The following RBFOX1 variants were observed in gnomAD, a reference collection of about 807,000 sequenced individuals.
RBFOX1 encodes RNA binding fox-1 homolog 1.
Under a neutral mutation model 57.7 loss-of-function variants are expected in RBFOX1, and 8 were observed. The observed-to-expected ratio is 0.14, with a 90% confidence interval of 0.08 to 0.25. The LOEUF is 0.25. RBFOX1 is among the 10% of genes least tolerant of loss of function. RBFOX1 has a pLI of 1.00. For missense variants in RBFOX1, 611 were observed against 548.5 expected (o/e 1.11, Z -1.14); for synonymous variants, 326 against 222.4 (o/e 1.47, Z -4.15).
At chr16:5,262,302 C>T (rs183692091) in intron 1 of RBFOX1, among the ~76,000 whole-genome samples, 1 of 152,146 alleles carries the variant, frequency 6.6e-6, no homozygotes, top group East Asian at 1.9e-4. Flanking sequence ...GGATGTATCT[C>T]TGAGGTATTC....
At chr16:5,716,876 A>G (rs1255561044) in intron 3 of RBFOX1, among the ~76,000 whole-genome samples, 1 of 152,176 alleles carries the variant, frequency 6.6e-6, no homozygotes, top group African/African-American at 2.4e-5. Flanking sequence ...TCTGCCCCTA[A>G]AATGTCCAAG....
intron 3 of RBFOX1, among the ~76,000 whole-genome samples, chr16:6,850,809 ATC>A (rs1567552665): frequency 6.6e-6 from 1 of 152,224 alleles, no homozygotes; most frequent in African/African-American, 2.4e-5. Flanking sequence ...TTGGAAAATC[ATC>A]TCTCATTTTC....
At chr16:7,597,090 A>G (rs2094741425) in intron 8 of RBFOX1, 3 of 258,574 alleles carry the variant, frequency 1.2e-5, no homozygotes, top group Non-Finnish European at 2.2e-5. Flanking sequence ...ATCTTCAATT[A>G]TGCAGAATCT....
At chr16:7,191,704 T>C (rs1015703188) in intron 4 of RBFOX1, among the ~76,000 whole-genome samples, 9 of 152,264 alleles carry the variant, frequency 5.9e-5, no homozygotes, top group Non-Finnish European at 7.3e-5. Context: ...CTGTCTTCAG[T>C]TGTTTTAAAG....
At chr16:5,287,860 C>T (rs533411218) in intron 1 of RBFOX1, among the ~76,000 whole-genome samples, 1 of 152,352 alleles carries the variant, frequency 6.6e-6, no homozygotes, top group South Asian at 2.1e-4. Context: ...ACTGCAGAGA[C>T]AAATGGCAGA....
At chr16:6,172,421 A>C (rs928752965) in intron 1 of RBFOX1, among the ~76,000 whole-genome samples, 2 of 152,100 alleles carry the variant, frequency 1.3e-5, no homozygotes, top group Non-Finnish European at 2.9e-5. Flanking sequence ...CTGTGAGCAA[A>C]CCCTTGGTGT....
At chr16:7,610,017 C>T (rs2057123351) in intron 10 of RBFOX1, among the ~76,000 whole-genome samples, 1 of 151,334 alleles carries the variant, frequency 6.6e-6, no homozygotes, top group Non-Finnish European at 1.5e-5. Flanking sequence ...GGGGTTTCAC[C>T]CTGTTAGCCA....
intron 1 of RBFOX1, among the ~76,000 whole-genome samples, chr16:6,300,991 T>A (rs1211943161): frequency 1.3e-5 from 2 of 152,186 alleles, no homozygotes; most frequent in African/African-American, 4.8e-5. Context: ...CCAAATGGAT[T>A]AATGAGTGGA....
At chr16:6,878,237 T>G (rs2062206807) in intron 3 of RBFOX1, among the ~76,000 whole-genome samples, 1 of 152,222 alleles carries the variant, frequency 6.6e-6, no homozygotes, top group South Asian at 2.1e-4. Context: ...GTTTCTTCCC[T>G]GCTGAGCACT....
At chr16:6,762,039 G>C (rs2076684878) in intron 3 of RBFOX1, among the ~76,000 whole-genome samples, 1 of 152,080 alleles carries the variant, frequency 6.6e-6, no homozygotes, top group Non-Finnish European at 1.5e-5. Flanking sequence ...ATATAGTGTA[G>C]ATGTTAAAAG....
chr16:6,971,044 T>C (rs776666631), intron 3 of RBFOX1, among the ~76,000 whole-genome samples: 1 of 152,210 alleles, frequency 6.6e-6, no homozygotes, highest in Non-Finnish European at 1.5e-5. Context: ...TACTATCTAA[T>C]CTGTCCAAGA....
chr16:5,642,344 T>C (rs72765122), intron 3 of RBFOX1, among the ~76,000 whole-genome samples: 1 of 152,328 alleles, frequency 6.6e-6, no homozygotes, highest in Non-Finnish European at 1.5e-5. Context: ...AAGCAATCCA[T>C]GCGAGATCAA....
intron 4 of RBFOX1, among the ~76,000 whole-genome samples, chr16:7,095,669 G>C (rs2061571094): frequency 6.6e-6 from 1 of 152,144 alleles, no homozygotes; most frequent in African/African-American, 2.4e-5. Flanking sequence ...AATCATGTTG[G>C]TAAGGTCTTG....
At chr16:7,403,415 C>G (rs776593640) in intron 4 of RBFOX1, among the ~76,000 whole-genome samples, 3 of 152,338 alleles carry the variant, frequency 2.0e-5, no homozygotes, top group African/African-American at 7.2e-5. Flanking sequence ...GGCAACCACT[C>G]TTCTCCTGTC....
At chr16:7,587,831 A>G (rs1464718979) in intron 7 of RBFOX1, among the ~76,000 whole-genome samples, 2 of 152,202 alleles carry the variant, frequency 1.3e-5, no homozygotes, top group African/African-American at 4.8e-5. Context: ...TAGATTCCCT[A>G]GTGCTAATAA....
chr16:5,549,221 C>T (rs575841667), intron 2 of RBFOX1, among the ~76,000 whole-genome samples: 6 of 152,290 alleles, frequency 3.9e-5, no homozygotes, highest in Admixed American at 1.3e-4. Flanking sequence ...AGCTGAAATG[C>T]GGTCAGCATC....
intron 4 of RBFOX1, among the ~76,000 whole-genome samples, chr16:7,240,648 G>C (rs2094008690): frequency 6.6e-6 from 1 of 152,116 alleles, no homozygotes; most frequent in Admixed American, 6.5e-5. Flanking sequence ...TTGACCTTCT[G>C]GGCTCAAGTG....
chr16:5,459,874 T>G (rs2068738748), intron 1 of RBFOX1, among the ~76,000 whole-genome samples: 1 of 152,118 alleles, frequency 6.6e-6, no homozygotes, highest in Non-Finnish European at 1.5e-5. Context: ...GTCTCTCTCC[T>G]TCTCTTCATC....
At position 6,256,201 on chromosome 16, in the gene RBFOX1, ATG is replaced by A. The variant is rs376410775; in HGVS notation, c.-126-60792_-126-60791del. On this transcript the variant is annotated intron_variant, in intron 1 of 15. Coordinates refer to ENST00000550418, the MANE Select transcript of RBFOX1 (RefSeq NM_018723.4). The stretch of plus-strand genomic sequence containing the variant: ...TATATATATACGTATATATATGTAT[ATG>A]TATATGTGTATATATATGTATATAT... Among the ~76,000 whole-genome samples the A allele has an allele frequency of 1.3e-3, 46 of 34,910 alleles. 3 individuals are homozygous for A. Among genetic ancestry groups the A allele is most frequent in the South Asian group, 2.9e-3 (3 of 1,042 alleles). The allele number at this position is 34,910 out of a possible 152,430, so 22.9% of individuals were successfully genotyped here.
Sources: allele counts gnomAD v4.1 joint callset (sites outside exome capture counted in the v4.1 genomes callset), GRCh38; gene constraint gnomAD v4.1.1; transcripts MANE v1.5; gene names NCBI Gene and HGNC (gene_info 2026-07-23, HGNC 2026-07-21).